KCND2: variants seen among roughly 807,000 people sequenced by gnomAD.
KCND2 encodes potassium voltage-gated channel subfamily D member 2, also known as A-type voltage-gated potassium channel KCND2.
Under a neutral mutation model 54.4 loss-of-function variants are expected in KCND2, and 16 were observed. The observed-to-expected ratio is 0.29, with a 90% CI of 0.20 to 0.45. The LOEUF (loss-of-function observed/expected upper bound fraction) is 0.45. Ranked by LOEUF, KCND2 falls within the 20% of genes least tolerant of loss-of-function variation. The pLI is 1.00. For synonymous variants in KCND2, 317 were observed against 310.7 expected, an observed-to-expected ratio of 1.02 and a Z score of -0.21; for missense variants, 486 against 824.2, an observed-to-expected ratio of 0.59 and a Z score of 5.02.
At chr7:120,506,856 A>G (rs1301756051) in intron 1 of KCND2, among the ~76,000 whole-genome samples, 1 of 151,662 alleles carries the variant, frequency 6.6e-6, no homozygotes, top group Non-Finnish European at 1.5e-5. Context: ...GTTCTCTCTA[A>G]TTTTTTTATT....
intron 1 of KCND2, among the ~76,000 whole-genome samples, chr7:120,691,719 G>T (rs1358369528): frequency 6.6e-6 from 1 of 152,100 alleles, no homozygotes; most frequent in Non-Finnish European, 1.5e-5. Flanking sequence ...CATCATCCAG[G>T]TATAAATATT....
At chr7:120,560,888 AGTT>A (rs1234323321) in intron 1 of KCND2, among the ~76,000 whole-genome samples, 1 of 152,184 alleles carries the variant, frequency 6.6e-6, no homozygotes, top group Admixed American at 6.5e-5. Flanking sequence ...AATTCAGAGA[AGTT>A]GTATGTGACT....
At chr7:120,732,838 A>G in intron 1 of KCND2, 65 bp from the exon 2 acceptor site, 1 of 1,372,160 alleles carries the variant, frequency 7.3e-7, no homozygotes, top group South Asian at 1.3e-5. Context: ...AAAAATTCTT[A>G]GTTTCAGGTA....
chr7:120,731,286 A>C (rs1195400504), intron 1 of KCND2, among the ~76,000 whole-genome samples: 1 of 152,210 alleles, frequency 6.6e-6, no homozygotes, highest in African/African-American at 2.4e-5. Flanking sequence ...AGAAAATGTT[A>C]CTTGTTAATA....
intron 1 of KCND2, among the ~76,000 whole-genome samples, chr7:120,351,408 ACACACTCTCT>A (rs1217206741): frequency 5.5e-5 from 5 of 90,242 alleles, no homozygotes; most frequent in Non-Finnish European, 1.2e-4. Context: ...ACACACACAC[ACACACTCTCT>A]CTCTCTCTCT....
chr7:120,677,550 T>TATAGATATAA (rs138542026), intron 1 of KCND2, among the ~76,000 whole-genome samples: 1 of 129,548 alleles, frequency 7.7e-6, no homozygotes. Context: ...TAGATATAGA[T>TATAGATATAA]ATATAGATAT....
intron 1 of KCND2, among the ~76,000 whole-genome samples, chr7:120,434,260 G>C (rs1283629303): frequency 6.6e-6 from 1 of 152,184 alleles, no homozygotes; most frequent in Admixed American, 6.5e-5. Context: ...TAAAACACAA[G>C]AGGCATCTAT....
intron 1 of KCND2, among the ~76,000 whole-genome samples, chr7:120,569,924 G>A (rs1792341895): frequency 6.6e-6 from 1 of 152,060 alleles, no homozygotes; most frequent in Non-Finnish European, 1.5e-5. Flanking sequence ...GACACAGATT[G>A]ATTTTTATTT....
At chr7:120,592,701 C>A (rs1232532386) in intron 1 of KCND2, among the ~76,000 whole-genome samples, 1 of 152,156 alleles carries the variant, frequency 6.6e-6, no homozygotes, top group African/African-American at 2.4e-5. Flanking sequence ...TCACAGAGCT[C>A]TTTGCTGCAC....
chr7:120,548,032 C>T (rs768487235), intron 1 of KCND2, among the ~76,000 whole-genome samples: 1 of 152,044 alleles, frequency 6.6e-6, no homozygotes. Flanking sequence ...TATGATGAAG[C>T]AGTTGTTCTG....
intron 1 of KCND2, among the ~76,000 whole-genome samples, chr7:120,525,346 T>G (rs1031651391): frequency 1.3e-5 from 2 of 152,194 alleles, no homozygotes; most frequent in African/African-American, 2.4e-5. Context: ...GGCATGCAAC[T>G]TACCCGCTTT....
chr7:120,626,540 A>G (rs1421300479), intron 1 of KCND2, among the ~76,000 whole-genome samples: 1 of 152,174 alleles, frequency 6.6e-6, no homozygotes, highest in African/African-American at 2.4e-5. Context: ...GTCATAGTCA[A>G]TCAACACTAT....
At chr7:120,405,264 A>G (rs551048922) in intron 1 of KCND2, among the ~76,000 whole-genome samples, 19 of 152,142 alleles carry the variant, frequency 1.2e-4, no homozygotes, top group Admixed American at 3.3e-4. Flanking sequence ...TAAAGCTAAC[A>G]TTTACCATGT....
chr7:120,349,309 AACACACACACACACACAAACAC>A (rs1396804313), intron 1 of KCND2, among the ~76,000 whole-genome samples: 2 of 89,276 alleles, frequency 2.2e-5, no homozygotes, highest in Non-Finnish European at 2.4e-5. Flanking sequence ...CACACACACA[AACACACACACACACACAAACAC>A]ACACACACAC....
At chr7:120,429,852 C>A (rs953697622) in intron 1 of KCND2, among the ~76,000 whole-genome samples, 1 of 151,782 alleles carries the variant, frequency 6.6e-6, no homozygotes, top group Non-Finnish European at 1.5e-5. Context: ...ATTGGAATGA[C>A]GTTTTAAAAA....
chr7:120,365,571 T>A (rs1371331108), intron 1 of KCND2, among the ~76,000 whole-genome samples: 1 of 152,108 alleles, frequency 6.6e-6, no homozygotes, highest in Non-Finnish European at 1.5e-5. Flanking sequence ...GTCAATGCCC[T>A]GAACAAGCCT....
intron 1 of KCND2, among the ~76,000 whole-genome samples, chr7:120,598,041 C>G (rs1881023): frequency 0.93 from 140,103 of 151,222 alleles, 65,475 homozygotes; most frequent in Middle Eastern, 0.99. Context: ...AAAAATGTGA[C>G]TTTTCCTTCA....
intron 1 of KCND2, among the ~76,000 whole-genome samples, chr7:120,500,169 A>G (rs1802911486): frequency 6.6e-6 from 1 of 152,172 alleles, no homozygotes; most frequent in African/African-American, 2.4e-5. Flanking sequence ...TCTCTCTAAT[A>G]TGAATTTTTG....
intron 1 of KCND2, among the ~76,000 whole-genome samples, chr7:120,378,433 T>G (rs17376968): frequency 0.1 from 15,525 of 151,766 alleles, 837 homozygotes; most frequent in Admixed American, 0.13. Flanking sequence ...CAGGTGGAAG[T>G]TTTTTTTCCA....
Sources: allele counts gnomAD v4.1 joint callset (sites outside exome capture counted in the v4.1 genomes callset), GRCh38; gene constraint gnomAD v4.1.1; transcripts MANE v1.5; gene names NCBI Gene and HGNC (gene_info 2026-07-23, HGNC 2026-07-21).